TGS1: variants seen among roughly 807,000 people sequenced by gnomAD.
The protein encoded by TGS1 is trimethylguanosine synthase.
A neutral mutation model predicts 92.2 loss-of-function variants in TGS1; 69 were observed. The ratio of observed to expected loss-of-function variants is 0.75; its 90% CI spans 0.62 to 0.91. TGS1 has a LOEUF of 0.91. Among genes scored for constraint, TGS1 ranks in the 40% least tolerant of loss-of-function variants. TGS1 has a pLI of 0.00. For synonymous variants in TGS1, 345 were observed against 338.1 expected (o/e 1.02, Z -0.22); for missense variants, 1,062 against 1,001.2 (o/e 1.06, Z -0.82).
chr8:55,797,102 A>C (rs973072121), intron 7 of TGS1, among the ~76,000 whole-genome samples: 9 of 152,198 alleles, frequency 5.9e-5, no homozygotes, highest in African/African-American at 2.2e-4. Flanking sequence ...TAATAAAGAC[A>C]TACCCAAGAC....
At chr8:55,809,413 C>T (rs935193712) in intron 10 of TGS1, among the ~76,000 whole-genome samples, 3 of 151,120 alleles carry the variant, frequency 2.0e-5, no homozygotes, top group Non-Finnish European at 2.9e-5. Context: ...ATTAAGCTGT[C>T]GAGGTGTGCT....
At position 55,786,556 on chromosome 8, in the gene TGS1, G is replaced by C; in HGVS notation, c.658G>C (p.Gly220Arg). 2 of 1,614,116 alleles carry C rather than the reference G, an allele frequency of 1.2e-6. No individual in the cohort carries two copies. The highest frequency in any genetic ancestry group is 1.7e-6 in the Non-Finnish European group (2 of 1,179,998). The change falls in exon 4 of 13, where the codon GGT becomes CGT. Residue 220 changes from glycine (G) to arginine (R), a missense_variant. Transcript: ENST00000260129. ...LWQSWQEKHP[G>R]QALSSEPWNF... ...GCAAAGTTGGCAAGAAAAACATCCGGGTCAAGCACTATCTTCTGAACCTTG... is the reference window on the plus strand; with the variant it reads ...GCAAAGTTGGCAAGAAAAACATCCGCGTCAAGCACTATCTTCTGAACCTTG...
At chr8:55,784,293 G>C (rs1415257809) in intron 2 of TGS1, among the ~76,000 whole-genome samples, 2 of 151,846 alleles carry the variant, frequency 1.3e-5, no homozygotes, top group Non-Finnish European at 2.9e-5. Context: ...GTAATAAATG[G>C]TTTTTCTATA....
rs200706451 is a variant in TGS1 at position 55,824,570 on chromosome 8, C to G, written c.2440-11C>G. 3.2e-5 allele frequency: 51 copies of G among 1,613,954 alleles called. No individual in the cohort carries two copies. Among genetic ancestry groups the G allele is most frequent in the Non-Finnish European group, 4.3e-5 (51 of 1,179,920 alleles). On this transcript the variant is annotated splice_polypyrimidine_tract_variant and intron_variant, in intron 12 of 12. Transcript: ENST00000260129. Reference sequence around the variant, plus strand: ...GGTGTGTGTGTGACTTTCTTCTGTTCATCTTTTTAGGTGGCATCCTTAGCT... The same window carrying G: ...GGTGTGTGTGTGACTTTCTTCTGTTGATCTTTTTAGGTGGCATCCTTAGCT...
Position 55,785,842 on chromosome 8 carries a change from T to TG in TGS1, c.293dup (p.Leu99IlefsTer7). On this transcript the variant is annotated frameshift_variant, in exon 3 of 13. Transcript: ENST00000260129. LOFTEE classifies it high-confidence loss of function. ...TCTGAGGCTGAACTCATGAGAAGTA[T>TG]GGGATTGCCACTTCAATTTGGTAGG... The TG allele has an allele frequency of 6.2e-7, 1 of 1,613,766 alleles. No individual in the cohort carries two copies. The highest frequency in any genetic ancestry group is 8.5e-7 in the Non-Finnish European group (1 of 1,179,822).
intron 1 of TGS1, among the ~76,000 whole-genome samples, chr8:55,781,794 T>G (rs979895679): frequency 2.0e-5 from 3 of 152,278 alleles, no homozygotes; most frequent in East Asian, 3.8e-4. Flanking sequence ...AAATTTATTG[T>G]AGCTCCATTA....
At position 55,780,710 on chromosome 8, in the gene TGS1, C is replaced by T. The variant is rs201262958; in HGVS notation, c.102-2038C>T. Among the ~76,000 whole-genome samples the T allele has an allele frequency of 3.3e-5, 5 of 152,278 alleles. No individual in the cohort carries two copies. In the East Asian group the frequency reaches 7.7e-4, roughly 23 times the overall value. On this transcript the variant is annotated intron_variant, in intron 1 of 12. Coordinates refer to ENST00000260129, the MANE Select transcript of TGS1 (RefSeq NM_024831.8). Reference sequence around the variant, plus strand: ...GCCAAGGAGTAGTTCTTGTCTTCTTCGCTCCTACTGCATTTATTAGTTAGT... The same window carrying T: ...GCCAAGGAGTAGTTCTTGTCTTCTTTGCTCCTACTGCATTTATTAGTTAGT...
intron 4 of TGS1, among the ~76,000 whole-genome samples, chr8:55,788,426 C>T (rs1454460009): frequency 6.7e-5 from 10 of 148,958 alleles, no homozygotes; most frequent in Middle Eastern, 7.0e-3. Flanking sequence ...ATTCTCATTC[C>T]TTTCTATTTT....
chr8:55,796,427 C>T (rs1812052871), intron 7 of TGS1, among the ~76,000 whole-genome samples: 1 of 152,158 alleles, frequency 6.6e-6, no homozygotes. Context: ...TGGTGGCTCA[C>T]ACCTGTAATC....
chr8:55,824,462 C>A (rs972184038), intron 12 of TGS1, 119 bp from the exon 13 acceptor site: 2 of 1,304,394 alleles, frequency 1.5e-6, no homozygotes, highest in Admixed American at 2.3e-5. Flanking sequence ...TGAGATGCCT[C>A]ATTATTCAAA....
chr8:55,787,167 A>C, intron 4 of TGS1, 107 bp downstream of exon 4: 1 of 707,162 alleles, frequency 1.4e-6, no homozygotes, highest in South Asian at 2.0e-5. Context: ...TACCAAGTAC[A>C]TTTCATATAA....
chr8:55,777,674 G>T (rs1811439055), intron 1 of TGS1, among the ~76,000 whole-genome samples: 2 of 151,804 alleles, frequency 1.3e-5, no homozygotes, highest in African/African-American at 4.8e-5. Context: ...CAAGTAGCTG[G>T]GATTACAGGA....
intron 2 of TGS1, among the ~76,000 whole-genome samples, chr8:55,785,383 G>T (rs1254944173): frequency 1.3e-5 from 2 of 151,694 alleles, no homozygotes; most frequent in East Asian, 3.9e-4. Flanking sequence ...TTGTTTGTTT[G>T]TTTTCTTTTT....
intron 1 of TGS1, among the ~76,000 whole-genome samples, chr8:55,773,934 GC>G (rs1811299382): frequency 6.6e-6 from 1 of 152,190 alleles, no homozygotes; most frequent in Admixed American, 6.5e-5. Flanking sequence ...TTGGTAGGCT[GC>G]TATGAAAAAA....
chr8:55,796,198 G>C (rs199700942), intron 7 of TGS1, 46 bp downstream of exon 7: 10 of 1,436,514 alleles, frequency 7.0e-6, no homozygotes, highest in East Asian at 2.3e-5. Flanking sequence ...ATCATGTTTT[G>C]TAAGTTTGAC....
chr8:55,799,046 G>GGT lies in TGS1; in HGVS notation c.1677_1678dup (p.Asp560ValfsTer35). ...GGAACAAGACATGTCTGTTAAAAAA[G>GGT]GTGATGACCTACTGGAGACTAATAA... is the stretch of plus-strand genomic sequence containing the variant. On this transcript the variant is annotated frameshift_variant, in exon 8 of 13. Coordinates refer to ENST00000260129, the MANE Select transcript of TGS1 (RefSeq NM_024831.8). LOFTEE classifies it high-confidence loss of function. 6.2e-7 allele frequency: 1 copy of GGT among 1,614,156 alleles called. No homozygotes were observed. Among genetic ancestry groups the GGT allele is most frequent in the Non-Finnish European group, 8.5e-7 (1 of 1,180,026 alleles).
chr8:55,779,775 A>G (rs989959859), intron 1 of TGS1, among the ~76,000 whole-genome samples: 5 of 152,204 alleles, frequency 3.3e-5, no homozygotes, highest in Non-Finnish European at 5.9e-5. Context: ...TTAAAACACT[A>G]TTTAATGACC....
chr8:55,773,712 T>G lies in TGS1; in HGVS notation c.94T>G (p.Phe32Val), dbSNP rs751597784. ...CKILCLCSRA[F>V]VEDRKLYNLG... ...GATACTGTGCCTTTGCTCCAGGGCA[T>G]TTGTGGAGTAAGTAGAAAAGAGAAT... The change falls in exon 1 of 13, where the codon TTT (phenylalanine) becomes GTT (valine). Residue 32 changes from phenylalanine (F) to valine (V), a missense_variant. Phe to Val is a conservative substitution (Grantham distance 50). Transcript: ENST00000260129. 2 of 1,608,190 alleles carry G rather than the reference T, an allele frequency of 1.2e-6. No homozygotes were observed. The highest frequency in any genetic ancestry group is 1.7e-6 in the Non-Finnish European group (2 of 1,176,724).
chr8:55,786,354 G>A lies in TGS1; in HGVS notation c.456G>A (p.Leu152=). The change falls in exon 4 of 13, where the codon TTG becomes TTA. Residue 152 remains leucine (L), a synonymous_variant. Coordinates refer to ENST00000260129, the MANE Select transcript of TGS1 (RefSeq NM_024831.8). ...WRKEYEEDDI[L]ASDDPSSIEQ... is the part of the protein sequence containing the mutation. ...AAGAATATGAAGAAGACGACATTTTGGCTTCAGATGATCCATCTTCAATTG... is the reference window on the plus strand; with the variant it reads ...AAGAATATGAAGAAGACGACATTTTAGCTTCAGATGATCCATCTTCAATTG... 1.2e-6 allele frequency: 2 copies of A among 1,613,142 alleles called. No homozygotes were observed.
Sources: gnomAD v4.1 joint callset for allele counts (sites outside exome capture counted in the v4.1 genomes callset) on GRCh38, gnomAD v4.1.1 for gene constraint, MANE v1.5 for transcripts, NCBI Gene and HGNC (gene_info 2026-07-23, HGNC 2026-07-21) for gene names.